Variants in WDFY3 observed in about 807,000 individuals in gnomAD.
WDFY3 encodes WD repeat and FYVE domain containing 3.
In WDFY3, 66 loss-of-function variants were observed where a neutral mutation model predicts 409.6. That is an observed-to-expected ratio of 0.16 (90% CI 0.13 to 0.20). The LOEUF (loss-of-function observed/expected upper bound fraction) is 0.20. WDFY3 is among the 10% of genes least tolerant of loss of function. The probability of loss-of-function intolerance (pLI) is 1.00; values close to 1 mark genes in which losing one functional copy is unlikely to be tolerated. For missense variants in WDFY3, 3,031 were observed against 4,298.1 expected (o/e 0.71, Z 8.24); for synonymous variants, 1,521 against 1,537.1 (o/e 0.99, Z 0.25).
chr4:84,945,581 G>A (rs867322820), intron 1 of WDFY3, among the ~76,000 whole-genome samples: 1 of 152,126 alleles, frequency 6.6e-6, no homozygotes, highest in Non-Finnish European at 1.5e-5. Context: ...AGGAGTAATG[G>A]CATTTTGAAG....
chr4:84,705,299 C>T, intron 54 of WDFY3, 95 bp downstream of exon 54: 1 of 886,512 alleles, frequency 1.1e-6, no homozygotes, highest in Non-Finnish European at 1.8e-6. Flanking sequence ...GATATATAAG[C>T]AATTTGAAGG....
At chr4:84,798,307 G>GTT (rs1219684024) in intron 17 of WDFY3, among the ~76,000 whole-genome samples, 199 bp from the exon 18 acceptor site, 1 of 151,818 alleles carries the variant, frequency 6.6e-6, no homozygotes, top group South Asian at 2.1e-4. Context: ...TTTTTAGAAT[G>GTT]TTTTTTAGAC....
At chr4:84,874,056 C>T (rs1326063731) in intron 3 of WDFY3, among the ~76,000 whole-genome samples, 1 of 151,584 alleles carries the variant, frequency 6.6e-6, no homozygotes, top group East Asian at 2.0e-4. Context: ...GCTGGAATTA[C>T]AGGTGTGAGC....
chr4:84,965,219 A>G (rs1775477759), intron 1 of WDFY3, among the ~76,000 whole-genome samples: 1 of 152,182 alleles, frequency 6.6e-6, no homozygotes, highest in African/African-American at 2.4e-5. Flanking sequence ...ATATGCCACT[A>G]TTTAAAAAGC....
At chr4:84,894,031 A>G (rs1765290313) in intron 3 of WDFY3, among the ~76,000 whole-genome samples, 1 of 152,156 alleles carries the variant, frequency 6.6e-6, no homozygotes, top group Admixed American at 6.5e-5. Flanking sequence ...GCACAGAATC[A>G]ACTTTAAATG....
In WDFY3 at chr4:84,841,185, G is replaced by A. The variant is rs187506570; in HGVS notation, c.383C>T (p.Thr128Met). 1,516 of 1,611,592 alleles carry A rather than the reference G, an allele frequency of 9.4e-4. 30 individuals carry two copies. The Admixed American group carries it at 0.021, about 23-fold the overall frequency. The change falls in exon 6 of 68, where the codon ACG (threonine) becomes ATG (methionine). Residue 128 changes from threonine (T) to methionine (M), a missense_variant. Coordinates refer to ENST00000295888, the MANE Select transcript of WDFY3 (RefSeq NM_014991.6). The stretch of plus-strand genomic sequence containing the variant: ...AGAGGAAGCTAACAAATTAATTGTC[G>A]TTAGAAGCATCCAGCCTCTACTGGC... ...EEASRGWMLL[T>M]TINLLASSGQ...
At chr4:84,780,524 C>T (rs765695921) in intron 25 of WDFY3, among the ~76,000 whole-genome samples, 14 of 151,966 alleles carry the variant, frequency 9.2e-5, no homozygotes, top group South Asian at 4.2e-4. Flanking sequence ...TTTGGGAGGC[C>T]GAAGCAAGTG....
chr4:84,711,502 T>C (rs1295735249), intron 51 of WDFY3, among the ~76,000 whole-genome samples: 1 of 151,926 alleles, frequency 6.6e-6, no homozygotes, highest in Non-Finnish European at 1.5e-5. Context: ...TTACTAATAA[T>C]CAAAGAAATA....
intron 4 of WDFY3, among the ~76,000 whole-genome samples, chr4:84,854,408 T>G (rs1031175079): frequency 4.6e-5 from 7 of 152,228 alleles, no homozygotes; most frequent in Admixed American, 2.6e-4. Context: ...GAAAATAGTG[T>G]AGTTTTGGTG....
intron 10 of WDFY3, among the ~76,000 whole-genome samples, chr4:84,821,961 G>T (rs1026239104): frequency 1.3e-5 from 2 of 152,212 alleles, no homozygotes; most frequent in Middle Eastern, 3.4e-3. Context: ...CCTGAGAGCA[G>T]CAATAATGAA....
chr4:84,947,648 A>C (rs1485321682), intron 1 of WDFY3, among the ~76,000 whole-genome samples: 1 of 148,854 alleles, frequency 6.7e-6, no homozygotes, highest in East Asian at 2.0e-4. Flanking sequence ...GGCAGTCAAG[A>C]TCGCTTGAGT....
chr4:84,829,851 T>TAAATAAATAAATAAATA (rs1560868593), intron 8 of WDFY3, among the ~76,000 whole-genome samples: 1 of 58,166 alleles, frequency 1.7e-5, no homozygotes, highest in African/African-American at 6.4e-5. Context: ...ATAAATAAAT[T>TAAATAAATAAATAAATA]AGAGAGACTA....
Position 84,737,339 on chromosome 4 carries a change from T to A in WDFY3, c.6602A>T (p.Asn2201Ile). ...ATGTATCAGTTCAGTCCAAACTCTG[T>A]TGACAGCTTTTATGAGAAGCTGACG... ...EGRQLLIKAV[N>I]RVWTELIHSK... Residue 2201 changes from asparagine to isoleucine, a missense_variant, in exon 41 of 68, where the codon AAC (asparagine) becomes ATC (isoleucine). Coordinates refer to ENST00000295888, the MANE Select transcript of WDFY3 (RefSeq NM_014991.6). 1 of 1,587,706 alleles carries A rather than the reference T, an allele frequency of 6.3e-7. No individual in the cohort carries two copies. Among genetic ancestry groups the A allele is most frequent in the Non-Finnish European group, 8.6e-7 (1 of 1,167,722 alleles).
At chr4:84,924,686 ATTG>A (rs1452435444) in intron 2 of WDFY3, among the ~76,000 whole-genome samples, 1 of 152,188 alleles carries the variant, frequency 6.6e-6, no homozygotes, top group African/African-American at 2.4e-5. Context: ...TCACCTACAC[ATTG>A]TTGTTCCATC....
intron 35 of WDFY3, among the ~76,000 whole-genome samples, chr4:84,752,012 G>C (rs1473347522): frequency 6.6e-6 from 1 of 151,914 alleles, no homozygotes; most frequent in African/African-American, 2.4e-5. Flanking sequence ...AATAAAATTA[G>C]AATAAATATG....
At chr4:84,832,437 A>T (rs139535092) in intron 7 of WDFY3, among the ~76,000 whole-genome samples, 82 of 152,258 alleles carry the variant, frequency 5.4e-4, no homozygotes, top group African/African-American at 1.8e-3. Context: ...GAATATTATT[A>T]AAAAAACAAT....
chr4:84,680,334 G>C (rs35155128), intron 64 of WDFY3, among the ~76,000 whole-genome samples: 1 of 152,078 alleles, frequency 6.6e-6, no homozygotes, highest in African/African-American at 2.4e-5. Context: ...CTATCACCCA[G>C]GCTGGAGTGT....
At chr4:84,793,291 C>T (rs186313147) in intron 21 of WDFY3, among the ~76,000 whole-genome samples, 9 of 152,304 alleles carry the variant, frequency 5.9e-5, no homozygotes, top group Admixed American at 3.9e-4. Context: ...TACACCACCT[C>T]AGCCTCCTAA....
At chr4:84,916,213 G>C (rs1049227430) in intron 2 of WDFY3, among the ~76,000 whole-genome samples, 2 of 152,114 alleles carry the variant, frequency 1.3e-5, no homozygotes, top group African/African-American at 4.8e-5. Flanking sequence ...CAAAAGGTAA[G>C]TTCATCAGTT....
Sources: gnomAD v4.1 joint callset for allele counts (sites outside exome capture counted in the v4.1 genomes callset) on GRCh38, gnomAD v4.1.1 for gene constraint, MANE v1.5 for transcripts, NCBI Gene and HGNC (gene_info 2026-07-23, HGNC 2026-07-21) for gene names.